ERCC6L2: variants seen among roughly 807,000 people sequenced by gnomAD.
ERCC6L2 encodes DNA excision repair protein ERCC-6-like 2.
In ERCC6L2, 77 loss-of-function variants were observed where a neutral mutation model predicts 132.0. The observed-to-expected ratio is 0.58, with a 90% CI of 0.49 to 0.71. The LOEUF is 0.71. ERCC6L2 is among the 30% of genes least tolerant of loss of function. ERCC6L2 has a pLI of 0.00. For missense variants in ERCC6L2, 1,542 were observed against 1,837.6 expected, an observed-to-expected ratio of 0.84 and a Z score of 2.94; for synonymous variants, 583 against 632.4, an observed-to-expected ratio of 0.92 and a Z score of 1.17.
intron 17 of ERCC6L2, among the ~76,000 whole-genome samples, chr9:95,990,391 T>C (rs543905878): frequency 6.6e-6 from 1 of 152,296 alleles, no homozygotes; most frequent in South Asian, 2.1e-4. Flanking sequence ...TCTCAAAGTG[T>C]GGTCCATGGA....
intron 16 of ERCC6L2, among the ~76,000 whole-genome samples, chr9:95,977,211 G>A (rs1288427391): frequency 6.6e-6 from 1 of 152,158 alleles, no homozygotes; most frequent in Non-Finnish European, 1.5e-5. Context: ...GAAACTGTGT[G>A]CCATGTATAG....
intron 16 of ERCC6L2, among the ~76,000 whole-genome samples, chr9:95,977,491 A>G (rs1832719409): frequency 1.3e-5 from 2 of 152,160 alleles, no homozygotes; most frequent in African/African-American, 2.4e-5. Flanking sequence ...AATTGTAGCC[A>G]TTTTTTAAAC....
chr9:96,019,581 T>G (rs1352908364), downstream of ERCC6L2, among the ~76,000 whole-genome samples: 1 of 152,200 alleles, frequency 6.6e-6, no homozygotes, highest in Admixed American at 6.5e-5. Flanking sequence ...TGCCCACTGT[T>G]GCCTGAGGCA....
chr9:96,037,697 G>C (rs1834535585), intron 19 of ERCC6L2, among the ~76,000 whole-genome samples: 1 of 152,138 alleles, frequency 6.6e-6, no homozygotes, highest in Admixed American at 6.5e-5. Flanking sequence ...GACTGCGCCA[G>C]GACAGCAGGT....
rs1834165124 is a variant in ERCC6L2 at position 96,015,424 on chromosome 9, G to C, written c.*2221G>C. ...GCTGGTCTCAATCTCCTGGCTGCAAGCGATCCACCTGCCTTGTCCTCCCAA... is the reference window on the plus strand; with the variant it reads ...GCTGGTCTCAATCTCCTGGCTGCAACCGATCCACCTGCCTTGTCCTCCCAA... On this transcript the variant is annotated 3_prime_UTR_variant, in exon 19 of 19. Transcript: ENST00000653738. Among the ~76,000 whole-genome samples the C allele has an allele frequency of 6.6e-6, 1 of 151,792 alleles. No individual in the cohort carries two copies.
intron 17 of ERCC6L2, among the ~76,000 whole-genome samples, chr9:95,990,421 C>T (rs372203024): frequency 6.6e-6 from 1 of 152,182 alleles, no homozygotes. Flanking sequence ...AGCCCCAAGA[C>T]TCGGAGGGGG....
At chr9:95,937,503 A>T (rs755027673) in intron 11 of ERCC6L2, among the ~76,000 whole-genome samples, 10 of 152,054 alleles carry the variant, frequency 6.6e-5, no homozygotes, top group Admixed American at 1.3e-4. Context: ...GAGTTTTGAA[A>T]ATAACATACT....
Position 95,928,388 on chromosome 9 carries a change from A to G in ERCC6L2, c.1605+238A>G. 4 of 427,412 alleles carry G rather than the reference A, an allele frequency of 9.4e-6. No individual in the cohort carries two copies. In the South Asian group the frequency reaches 2.6e-4, roughly 28 times the overall value. The allele number at this position is 427,412 out of a possible 1,614,324, so 26.5% of individuals were successfully genotyped here. A position where few individuals can be genotyped will look rare whatever the true frequency, so the allele number is the denominator to read the frequency against. ...TTTTCTGTTGATGTTCTTAATAATT[A>G]CAATGTTCTTTAAGACATTTCATAT... On this transcript the variant is annotated intron_variant, in intron 10 of 18. Transcript: ENST00000653738.
intron 17 of ERCC6L2, among the ~76,000 whole-genome samples, chr9:96,000,495 AT>A (rs773860431): frequency 2.6e-5 from 4 of 152,234 alleles, no homozygotes; most frequent in Non-Finnish European, 5.9e-5. Context: ...GTAGGGGAAT[AT>A]TTGTATATAT....
At chr9:95,984,914 G>A (rs544747764) in intron 17 of ERCC6L2, among the ~76,000 whole-genome samples, 2 of 152,158 alleles carry the variant, frequency 1.3e-5, no homozygotes, top group South Asian at 2.1e-4. Flanking sequence ...AATATATTAC[G>A]AACATAGTTA....
intron 18 of ERCC6L2, among the ~76,000 whole-genome samples, chr9:96,011,899 T>C (rs997647180): frequency 6.6e-6 from 1 of 152,212 alleles, no homozygotes; most frequent in Non-Finnish European, 1.5e-5. Context: ...TAAATCATGA[T>C]CCTCATGTCA....
chr9:95,979,665 C>T (rs943866832), intron 17 of ERCC6L2, among the ~76,000 whole-genome samples: 1 of 152,190 alleles, frequency 6.6e-6, no homozygotes, highest in Non-Finnish European at 1.5e-5. Flanking sequence ...TGAAAGCATT[C>T]TTTCATGACC....
At chr9:95,933,776 G>A (rs1262746296) in intron 11 of ERCC6L2, among the ~76,000 whole-genome samples, 1 of 151,294 alleles carries the variant, frequency 6.6e-6, no homozygotes, top group African/African-American at 2.4e-5. Context: ...CCCAGGAGGT[G>A]GAGGCTGCAG....
chr9:95,925,996 A>G (rs929747107), intron 9 of ERCC6L2, among the ~76,000 whole-genome samples: 1 of 152,156 alleles, frequency 6.6e-6, no homozygotes, highest in Non-Finnish European at 1.5e-5. Flanking sequence ...ATGCTCAACA[A>G]CATATGTCAT....
At chr9:95,934,051 T>C (rs1385437684) in intron 11 of ERCC6L2, among the ~76,000 whole-genome samples, 1 of 152,140 alleles carries the variant, frequency 6.6e-6, no homozygotes, top group African/African-American at 2.4e-5. Context: ...TGTGAGTTGT[T>C]TTGTGATACA....
At chr9:95,988,577 T>G (rs1204143801) in intron 17 of ERCC6L2, among the ~76,000 whole-genome samples, 1 of 152,238 alleles carries the variant, frequency 6.6e-6, no homozygotes, top group Non-Finnish European at 1.5e-5. Flanking sequence ...GCAAGAACTT[T>G]TTATCTTGTT....
intron 4 of ERCC6L2, 99 bp from the exon 5 acceptor site, chr9:95,915,569 T>C (rs889299660): frequency 8.0e-5 from 104 of 1,292,678 alleles, no homozygotes; most frequent in Non-Finnish European, 1.0e-4. Flanking sequence ...AAGGAAAAAA[T>C]AATTCCAAAA....
intron 3 of ERCC6L2, among the ~76,000 whole-genome samples, chr9:95,899,604 G>A (rs12351955): frequency 0.44 from 59,812 of 136,106 alleles, 12,641 homozygotes; most frequent in East Asian, 0.62. Flanking sequence ...ATATATATGT[G>A]TGTGTGTGTG....
chr9:96,031,788 C>T (rs1336013981), intron 19 of ERCC6L2, among the ~76,000 whole-genome samples: 1 of 152,184 alleles, frequency 6.6e-6, no homozygotes, highest in Admixed American at 6.5e-5. Flanking sequence ...GGAACACAAG[C>T]TTGACCCTGG....
Sources: allele counts gnomAD v4.1 joint callset (sites outside exome capture counted in the v4.1 genomes callset), GRCh38; gene constraint gnomAD v4.1.1; transcripts MANE v1.5; gene names NCBI Gene and HGNC (gene_info 2026-07-23, HGNC 2026-07-21).